PLCH2: variants seen among roughly 807,000 people sequenced by gnomAD.
The protein encoded by PLCH2 is phospholipase C eta 2, also known as 1-phosphatidylinositol 4,5-bisphosphate phosphodiesterase eta-2.
In PLCH2, 98 loss-of-function variants were observed where a neutral mutation model predicts 134.7. That is an observed-to-expected ratio of 0.73 (90% confidence interval 0.62 to 0.86). The LOEUF (loss-of-function observed/expected upper bound fraction) is 0.86, where lower values mean the gene tolerates loss of function less well. Among genes scored for constraint, PLCH2 ranks in the 40% least tolerant of loss-of-function variants. The pLI is 0.00. For synonymous variants in PLCH2, 974 were observed against 827.5 expected (o/e 1.18, Z -3.04); for missense variants, 1,994 against 1,986.6 (o/e 1.00, Z -0.07).
In PLCH2 at chr1:2,505,216, G is replaced by T. The variant is rs113293912; in HGVS notation, c.*3G>T. 1 of 1,564,898 alleles carries T rather than the reference G, an allele frequency of 6.4e-7. No individual in the cohort carries two copies. Among genetic ancestry groups the T allele is most frequent in the Non-Finnish European group, 8.6e-7 (1 of 1,165,022 alleles). Reference sequence around the variant, plus strand: ...ACCTGGTCCTGCTCCGCCTCTGACCGTCAGTGGTGGGAACCTGGGCGGCTC... The same window carrying T: ...ACCTGGTCCTGCTCCGCCTCTGACCTTCAGTGGTGGGAACCTGGGCGGCTC... On this transcript the variant is annotated 3_prime_UTR_variant, in exon 22 of 22. Transcript: ENST00000378486.
At chr1:2,445,459 G>A (rs1053335342) in intron 2 of PLCH2, among the ~76,000 whole-genome samples, 1 of 152,118 alleles carries the variant, frequency 6.6e-6, no homozygotes, top group Non-Finnish European at 1.5e-5. Context: ...GAAGACTCGG[G>A]GCTCGGGGCT....
At position 2,440,633 on chromosome 1, in the gene PLCH2, C is replaced by T. The variant is rs558995604; in HGVS notation, c.115+10004C>T. On this transcript the variant is annotated intron_variant, in intron 2 of 3. Transcript: ENST00000609981. ...TGTCTGTCGCTGGCCTTGCCCGGCC[C>T]GCCAGGGGATCTTGCATGCTGCGAC... Among the ~76,000 whole-genome samples the T allele has an allele frequency of 6.5e-5, 6 of 91,898 alleles. 2 individuals are homozygous for T. Among genetic ancestry groups the T allele is most frequent in the Non-Finnish European group, 9.8e-5 (5 of 50,852 alleles). 60.3% of individuals were successfully genotyped at this position (91,898 alleles called of 152,430 possible).
chr1:2,449,847 C>T (rs373219540), intron 2 of PLCH2, among the ~76,000 whole-genome samples: 3 of 152,220 alleles, frequency 2.0e-5, no homozygotes, highest in Admixed American at 6.5e-5. Context: ...CCCGTCCTGC[C>T]CCTGCTCCGT....
intron 4 of PLCH2, among the ~76,000 whole-genome samples, chr1:2,483,093 A>G (rs1226623006): frequency 2.6e-5 from 4 of 152,198 alleles, no homozygotes; most frequent in African/African-American, 9.7e-5. Context: ...CGAAGCCTCT[A>G]GACTACTGCT....
In PLCH2 at chr1:2,454,512, A is replaced by G. The variant is rs535743685; in HGVS notation, c.115+23883A>G. On this transcript the variant is annotated intron_variant, in intron 2 of 3. Coordinates refer to the PLCH2 transcript ENST00000609981. The stretch of plus-strand genomic sequence containing the variant: ...CAAGGCCATGGACCTGCTACTCCCC[A>G]GGGGCTGAACCAGCAATGCACCGAG... Among the ~76,000 whole-genome samples the G allele has an allele frequency of 6.6e-5, 10 of 152,290 alleles. No homozygotes were observed. In the South Asian group the frequency reaches 2.1e-3, roughly 32 times the overall value.
upstream of PLCH2, among the ~76,000 whole-genome samples, chr1:2,423,004 G>A (rs1044457576): frequency 6.6e-6 from 1 of 152,086 alleles, no homozygotes; most frequent in Non-Finnish European, 1.5e-5. Context: ...CTATCACCCC[G>A]ATCTCACGAT....
Position 2,459,010 on chromosome 1 carries a change from C to T in PLCH2, c.116-19466C>T, listed in dbSNP as rs566297115. On this transcript the variant is annotated intron_variant, in intron 2 of 3. Transcript: ENST00000609981. ...TGGCTGCTCCTGGGCACTCTTGAGTCACTGCCTCGTAGTGACCTGGCCCCC... is the reference window on the plus strand; with the variant it reads ...TGGCTGCTCCTGGGCACTCTTGAGTTACTGCCTCGTAGTGACCTGGCCCCC... 2.6e-5 allele frequency among the ~76,000 whole-genome samples: 4 copies of T among 152,334 alleles called. 1 individual carries two copies. Among genetic ancestry groups the T allele is most frequent in the South Asian group, 4.1e-4 (2 of 4,830 alleles).
intron 1 of PLCH2, 77 bp downstream of exon 1, chr1:2,476,789 G>A: frequency 7.0e-7 from 1 of 1,437,178 alleles, no homozygotes; most frequent in Non-Finnish European, 9.2e-7. Context: ...GCTGTTCCTG[G>A]AGGTGGGGGA....
exon 1 of PLCH2, chr1:2,467,661 A>G (rs1008638848): frequency 2.4e-6 from 1 of 411,242 alleles, no homozygotes; most frequent in South Asian, 8.2e-5. Context: ...GCCAAGACCA[A>G]GGTAAGGGGG....
rs1452987644 is a variant in PLCH2, at chr1:2,487,684, G to A, written c.1201G>A (p.Glu401Lys). Residue 401 changes from glutamate to lysine, a missense_variant, in exon 8 of 22, where the codon GAA becomes AAA. Physicochemically the swap from Glu to Lys is moderately conservative, Grantham distance 56. Coordinates refer to ENST00000378486, the MANE Select transcript of PLCH2 (RefSeq NM_014638.4). Reference protein sequence around the residue: ...TSKILFKDVIETINKYAFIKN... With the variant: ...TSKILFKDVIKTINKYAFIKN... ...CAAGATCCTCTTCAAAGACGTCATTGAAACCATCAACAAATATGCCTTCAT... is the reference window on the plus strand; with the variant it reads ...CAAGATCCTCTTCAAAGACGTCATTAAAACCATCAACAAATATGCCTTCAT... 1 of 1,613,498 alleles carries A rather than the reference G, an allele frequency of 6.2e-7. No homozygotes were observed. Among genetic ancestry groups the A allele is most frequent in the Non-Finnish European group, 8.5e-7 (1 of 1,179,842 alleles).
At chr1:2,500,782 CTCCCCTCCCTCA>C (rs1643175985) in intron 20 of PLCH2, 1 of 45,714 alleles carries the variant, frequency 2.2e-5, no homozygotes, top group Admixed American at 2.7e-4. Context: ...CTCTCCTCCC[CTCCCCTCCCTCA>C]GTCCTCCCTC....
chr1:2,477,481 C>A (rs1055812837), intron 1 of PLCH2, among the ~76,000 whole-genome samples: 2 of 152,222 alleles, frequency 1.3e-5, no homozygotes, highest in African/African-American at 4.8e-5. Flanking sequence ...CCTCAGCGTG[C>A]AGACCTGGGG....
At chr1:2,500,700 G>A (rs1643171175) in intron 20 of PLCH2, 2 of 152,198 alleles carry the variant, frequency 1.3e-5, no homozygotes, top group Admixed American at 6.5e-5. Context: ...CGGGGGCCCT[G>A]GCCATCCCCA....
upstream of PLCH2, among the ~76,000 whole-genome samples, chr1:2,465,147 A>C (rs1019175282): frequency 6.6e-6 from 1 of 152,176 alleles, no homozygotes. Context: ...CTGTGGGCCA[A>C]GGTCTAGGCT....
In PLCH2 at chr1:2,498,911, C is replaced by A; in HGVS notation, c.2434+83C>A. ...GGGGCTACCTGGTGTGCCCGGGTGC[C>A]CTGCCCAGGCCTCCCTCAGTGACAG... On this transcript the variant is annotated intron_variant, in intron 18 of 21. Coordinates refer to ENST00000378486, the MANE Select transcript of PLCH2 (RefSeq NM_014638.4). This position sits in a 1 kb window ranked among gnomAD's most constrained non-coding sequence, Gnocchi z 5.4. 7.5e-7 allele frequency: 1 copy of A among 1,341,774 alleles called. No individual in the cohort carries two copies. Among genetic ancestry groups the A allele is most frequent in the Non-Finnish European group, 1.0e-6 (1 of 958,762 alleles). 83.1% of individuals were successfully genotyped at this position (1,341,774 alleles called of 1,614,324 possible). A position where few individuals can be genotyped will look rare whatever the true frequency, so the allele number is the denominator to read the frequency against.
At chr1:2,492,104 C>A (rs1354664443) in intron 11 of PLCH2, among the ~76,000 whole-genome samples, 1 of 152,246 alleles carries the variant, frequency 6.6e-6, no homozygotes, top group Non-Finnish European at 1.5e-5. Flanking sequence ...GCTCGTTCTG[C>A]CTGTCCCTGC....
chr1:2,433,861 G>A (rs1348374568), intron 2 of PLCH2, among the ~76,000 whole-genome samples: 7 of 152,226 alleles, frequency 4.6e-5, no homozygotes, highest in Non-Finnish European at 1.0e-4. Context: ...CTCCCTCCAC[G>A]GATGTGCCCA....
rs1419613040 is a variant in PLCH2, at chr1:2,504,808, C to T, written c.3846C>T (p.Leu1282=). The T allele has an allele frequency of 8.1e-6, 13 of 1,611,484 alleles. No homozygotes were observed. Among genetic ancestry groups the T allele is most frequent in the Non-Finnish European group, 1.1e-5 (13 of 1,179,396 alleles). Residue 1282 remains leucine, a synonymous_variant, in exon 22 of 22, where the codon CTC becomes CTT. Coordinates refer to ENST00000378486, the MANE Select transcript of PLCH2 (RefSeq NM_014638.4). ...GCAGACTGAGCCACAGCCTGGGCCT[C>T]CCGGGAGGGACACGGCGGGTGTCGG... The part of the protein sequence containing the change: ...GSRRLSHSLG[L]PGGTRRVSGP...
intron 2 of PLCH2, chr1:2,479,364 G>A (rs1641822142): frequency 5.3e-6 from 1 of 188,806 alleles, no homozygotes; most frequent in Non-Finnish European, 1.1e-5. Flanking sequence ...GTCCCCACCT[G>A]CGGCGCTGGA....
Sources: allele counts gnomAD v4.1 joint callset (sites outside exome capture counted in the v4.1 genomes callset), GRCh38; gene constraint gnomAD v4.1.1; non-coding constraint Gnocchi (gnomAD v3.1); transcripts MANE v1.5; gene names NCBI Gene and HGNC (gene_info 2026-07-23, HGNC 2026-07-21).